PLCH2: variants seen among roughly 807,000 people sequenced by gnomAD.
PLCH2 encodes the protein 1-phosphatidylinositol 4,5-bisphosphate phosphodiesterase eta-2.
A neutral mutation model predicts 134.7 loss-of-function variants in PLCH2; 98 were observed. The observed-to-expected ratio is 0.73, with a 90% CI of 0.62 to 0.86. PLCH2 has a LOEUF of 0.86. Among genes scored for constraint, PLCH2 ranks in the 40% least tolerant of loss-of-function variants. PLCH2 has a pLI of 0.00. For synonymous variants in PLCH2, 974 were observed against 827.5 expected (o/e 1.18, Z -3.04); for missense variants, 1,994 against 1,986.6 (o/e 1.00, Z -0.07).
At chr1:2,490,833 C>T (rs1570450404) in intron 10 of PLCH2, among the ~76,000 whole-genome samples, 1 of 152,356 alleles carries the variant, frequency 6.6e-6, no homozygotes, top group East Asian at 1.9e-4. Flanking sequence ...GGAAGGGCGT[C>T]CAACCCAGCT....
In PLCH2 at chr1:2,448,957, G is replaced by C. The variant is rs1640070246; in HGVS notation, c.115+18328G>C. ...TCAAACTGTTGTACGTGGCTCCTTT[G>C]CTGGCGCGGGGAAAGGGCCGTGGGC... is the stretch of plus-strand genomic sequence containing the variant. On this transcript the variant is annotated intron_variant, in intron 2 of 3. Transcript: ENST00000609981. This position sits in a 1 kb window ranked among gnomAD's most constrained non-coding sequence, Gnocchi z 4.0. Among the ~76,000 whole-genome samples the C allele has an allele frequency of 6.6e-6, 1 of 152,206 alleles. No individual in the cohort carries two copies. Among genetic ancestry groups the C allele is most frequent in the South Asian group, 2.1e-4 (1 of 4,830 alleles).
At chr1:2,441,615 C>T (rs1295129424) in intron 2 of PLCH2, among the ~76,000 whole-genome samples, 1 of 152,230 alleles carries the variant, frequency 6.6e-6, no homozygotes, top group East Asian at 1.9e-4. Context: ...GGAGGAGCGG[C>T]AGCTCTGCCC....
In PLCH2 at chr1:2,487,689, C is replaced by A. The variant is rs771102098; in HGVS notation, c.1206C>A (p.Thr402=). The change falls in exon 8 of 22, where the codon ACC becomes ACA. Residue 402 remains threonine, a synonymous_variant. Transcript: ENST00000378486. ...SKILFKDVIE[T]INKYAFIKNE... ...TCCTCTTCAAAGACGTCATTGAAAC[C>A]ATCAACAAATATGCCTTCATCAAGA... is the stretch of plus-strand genomic sequence containing the variant. 5 of 1,613,452 alleles carry A rather than the reference C, an allele frequency of 3.1e-6. No individual in the cohort carries two copies. Among genetic ancestry groups the A allele is most frequent in the Non-Finnish European group, 3.4e-6 (4 of 1,179,820 alleles).
chr1:2,503,590 C>G (rs1316499535), intron 21 of PLCH2: 1 of 678,064 alleles, frequency 1.5e-6, no homozygotes, highest in Admixed American at 2.1e-5. Flanking sequence ...GCTTTCCTTT[C>G]TGCCCCCACC....
rs748236151 is a variant in PLCH2 at position 2,494,870 on chromosome 1, G to A, written c.1674G>A (p.Glu558=). The change falls in exon 12 of 22, where the codon GAG becomes GAA. Residue 558 remains glutamate, a synonymous_variant. Coordinates refer to ENST00000378486, the MANE Select transcript of PLCH2 (RefSeq NM_014638.4). The part of the protein sequence containing the change: ...GKLGRKSKAE[E]DVESGEDAGA... ...CCTGGACTCAGAGCAAGGCTGAAGA[G>A]GACGTGGAGTCTGGGGAGGATGCCG... is the stretch of plus-strand genomic sequence containing the variant. 1 of 1,605,984 alleles carries A rather than the reference G, an allele frequency of 6.2e-7. No individual in the cohort carries two copies. The highest frequency in any genetic ancestry group is 8.5e-7 in the Non-Finnish European group (1 of 1,176,816).
chr1:2,443,111 G>A (rs762777575), intron 2 of PLCH2, among the ~76,000 whole-genome samples: 2 of 152,184 alleles, frequency 1.3e-5, no homozygotes, highest in Non-Finnish European at 2.9e-5. Context: ...TCTCCCTGGG[G>A]GCACAGGAGG....
In PLCH2 at chr1:2,483,752, T is replaced by TTGACTCCCGTTTGGGGGGGCGC. The variant is rs1558004516; in HGVS notation, c.646-692_646-691insTCCCGTTTGGGGGGGCGCTGAC. ...CCAGCCTCCAGCCCAGAGTGTGTTG[T>TTGACTCCCGTTTGGGGGGGCGC]TGACCCCCGTTTGGGGGGGCGCTGA... On this transcript the variant is annotated intron_variant, in intron 4 of 21. Coordinates refer to ENST00000378486, the MANE Select transcript of PLCH2 (RefSeq NM_014638.4). 3.7e-4 allele frequency among the ~76,000 whole-genome samples: 42 copies of TTGACTCCCGTTTGGGGGGGCGC among 115,038 alleles called. 1 individual carries two copies. Among genetic ancestry groups the TTGACTCCCGTTTGGGGGGGCGC allele is most frequent in the African/African-American group, 1.2e-3 (41 of 33,922 alleles). 75.5% of individuals were successfully genotyped at this position (115,038 alleles called of 152,430 possible). A position where few individuals can be genotyped will look rare whatever the true frequency, so the allele number is the denominator to read the frequency against.
intron 2 of PLCH2, among the ~76,000 whole-genome samples, chr1:2,454,958 C>A (rs12079344): frequency 0.011 from 1,728 of 152,182 alleles, 26 homozygotes; most frequent in African/African-American, 0.039. Flanking sequence ...CAGGCTGGAC[C>A]CTCCCTGCCT....
intron 2 of PLCH2, among the ~76,000 whole-genome samples, chr1:2,442,943 G>A (rs1464308339): frequency 2.6e-5 from 4 of 152,220 alleles, no homozygotes; most frequent in East Asian, 1.9e-4. Flanking sequence ...GCGGGGAACC[G>A]ACGAAGTGCC....
In PLCH2 at chr1:2,444,292, G is replaced by T. The variant is rs952305619; in HGVS notation, c.115+13663G>T. On this transcript the variant is annotated intron_variant, in intron 2 of 3. Transcript: ENST00000609981. This position sits in a 1 kb window ranked among gnomAD's most constrained non-coding sequence, Gnocchi z 4.6. ...CCGTGCTGAGAATGACCCCTGCTGA[G>T]CCCAGGCCGGGCACCCCGATCCCTG... is the stretch of plus-strand genomic sequence containing the variant. Among the ~76,000 whole-genome samples, 1 of 152,344 alleles carries T rather than the reference G, an allele frequency of 6.6e-6. No individual in the cohort carries two copies. Among genetic ancestry groups the T allele is most frequent in the East Asian group, 1.9e-4 (1 of 5,172 alleles).
At chr1:2,452,454 G>GCCCTCCCTGCCTGTTCCCTGC (rs1640290285) in intron 2 of PLCH2, among the ~76,000 whole-genome samples, 1 of 152,100 alleles carries the variant, frequency 6.6e-6, no homozygotes, top group African/African-American at 2.4e-5. Flanking sequence ...TCCTGCCCTG[G>GCCCTCCCTGCCTGTTCCCTGC]CCCTCCCTGC....
At chr1:2,502,448 C>G (rs571713446) in intron 21 of PLCH2, 39 bp downstream of exon 21, 1 of 1,533,294 alleles carries the variant, frequency 6.5e-7, no homozygotes, top group African/African-American at 1.4e-5. Flanking sequence ...GAGCCCTGTG[C>G]GAGTGCGGCC....
intron 20 of PLCH2, chr1:2,500,454 C>G (rs1643155607): frequency 6.5e-6 from 1 of 152,732 alleles, no homozygotes; most frequent in Non-Finnish European, 1.5e-5. Flanking sequence ...GCTCCCCACG[C>G]CACTGCTGTG....
At position 2,483,869 on chromosome 1, in the gene PLCH2, CCCCGTGTGGGTGGCGCTGACT is replaced by C. The variant is rs1558005099; in HGVS notation, c.646-568_646-548del. On this transcript the variant is annotated intron_variant, in intron 4 of 21. Coordinates refer to ENST00000378486, the MANE Select transcript of PLCH2 (RefSeq NM_014638.4). ...GACCCCCGTGTGGGGTGGCGCTGAC[CCCCGTGTGGGTGGCGCTGACT>C]CCCGTGTGGGGGGGCGCTGACTCCC... Among the ~76,000 whole-genome samples, 31 of 112,488 alleles carry C rather than the reference CCCCGTGTGGGTGGCGCTGACT, an allele frequency of 2.8e-4. 9 individuals are homozygous for C. The highest frequency in any genetic ancestry group is 8.1e-4 in the East Asian group (3 of 3,686). 73.8% of individuals were successfully genotyped at this position (112,488 alleles called of 152,430 possible).
intron 1 of PLCH2, among the ~76,000 whole-genome samples, chr1:2,428,542 G>T (rs12022929): frequency 0.097 from 14,739 of 152,322 alleles, 887 homozygotes; most frequent in East Asian, 0.25. Context: ...CTGACCTCAT[G>T]GTCCTCCGTG....
At chr1:2,452,121 C>A (rs1257694243) in intron 2 of PLCH2, among the ~76,000 whole-genome samples, 1 of 152,136 alleles carries the variant, frequency 6.6e-6, no homozygotes, top group Admixed American at 6.5e-5. Flanking sequence ...CAGCGGGCAG[C>A]CCCCACTGCA....
intron 2 of PLCH2, among the ~76,000 whole-genome samples, chr1:2,433,044 G>A (rs1342205566): frequency 2.0e-5 from 3 of 152,216 alleles, no homozygotes; most frequent in Non-Finnish European, 4.4e-5. Flanking sequence ...GGTTGGGGCC[G>A]TGTTTCCCTC....
chr1:2,488,933 CTTTG>C (rs942118045), intron 8 of PLCH2, among the ~76,000 whole-genome samples: 3 of 152,182 alleles, frequency 2.0e-5, no homozygotes, highest in East Asian at 1.9e-4. Context: ...TTCTCATTGC[CTTTG>C]TTTTTTTTCT....
rs754390923 is a variant in PLCH2 at position 2,498,089 on chromosome 1, C to T, written c.2225-434C>T. On this transcript the variant is annotated intron_variant, in intron 16 of 21. Coordinates refer to ENST00000378486, the MANE Select transcript of PLCH2 (RefSeq NM_014638.4). The surrounding 1 kb of genome is among the most constrained non-coding windows in gnomAD (Gnocchi z 5.4). ...AGTATCACCATGGGAGAGGGCAGGA[C>T]AGGGGCTGGGCGAGCAGGCCTCCCA... 1 of 243,734 alleles carries T rather than the reference C, an allele frequency of 4.1e-6. No individual in the cohort carries two copies. Among genetic ancestry groups the T allele is most frequent in the Non-Finnish European group, 8.0e-6 (1 of 125,160 alleles). 15.1% of individuals were successfully genotyped at this position (243,734 alleles called of 1,614,324 possible).
Sources: allele counts gnomAD v4.1 joint callset (sites outside exome capture counted in the v4.1 genomes callset), GRCh38; gene constraint gnomAD v4.1.1; non-coding constraint Gnocchi (gnomAD v3.1); transcripts MANE v1.5; gene names NCBI Gene and HGNC (gene_info 2026-07-23, HGNC 2026-07-21).